TRPC4AP: variants seen among roughly 807,000 people sequenced by gnomAD.
TRPC4AP encodes short transient receptor potential channel 4-associated protein.
A neutral mutation model predicts 99.0 loss-of-function variants in TRPC4AP; 45 were observed. That is an observed-to-expected ratio of 0.45 (90% CI 0.36 to 0.58). The LOEUF (loss-of-function observed/expected upper bound fraction) is 0.58, where lower values mean the gene tolerates loss of function less well. Ranked by LOEUF, TRPC4AP falls within the 20% of genes least tolerant of loss-of-function variation. The pLI, the probability that TRPC4AP is intolerant of heterozygous loss-of-function variation, is 0.00. For synonymous variants in TRPC4AP, 408 were observed against 385.8 expected (o/e 1.06, Z -0.67); for missense variants, 879 against 985.3 (o/e 0.89, Z 1.44).
At chr20:35,037,474 T>C (rs188178322) in intron 7 of TRPC4AP, among the ~76,000 whole-genome samples, 32 of 151,944 alleles carry the variant, frequency 2.1e-4, no homozygotes, top group Non-Finnish European at 3.7e-4. Flanking sequence ...CACATGTTCA[T>C]AGCAGCACTA....
chr20:35,005,319 C>T (rs914204214), intron 16 of TRPC4AP, among the ~76,000 whole-genome samples: 2 of 152,152 alleles, frequency 1.3e-5, no homozygotes, highest in Admixed American at 6.5e-5. Flanking sequence ...GAAACGCGTG[C>T]GCATACACAT....
At chr20:35,015,742 G>C (rs2082739582) in intron 10 of TRPC4AP, among the ~76,000 whole-genome samples, 1 of 152,114 alleles carries the variant, frequency 6.6e-6, no homozygotes, top group Non-Finnish European at 1.5e-5. Context: ...TGCCCGCTCG[G>C]CCTCCCAAAG....
At chr20:35,036,558 C>A (rs563651085) in intron 7 of TRPC4AP, among the ~76,000 whole-genome samples, 222 of 152,264 alleles carry the variant, frequency 1.5e-3, no homozygotes, top group Middle Eastern at 6.8e-3. Flanking sequence ...TGTAGAAACA[C>A]TGAAATATAT....
chr20:35,090,063 C>T (rs1003917093), intron 1 of TRPC4AP, among the ~76,000 whole-genome samples: 1 of 148,428 alleles, frequency 6.7e-6, no homozygotes. Context: ...GAGCTTGCCA[C>T]TGCACTCCAG....
intron 4 of TRPC4AP, among the ~76,000 whole-genome samples, chr20:35,055,269 A>G (rs949666245): frequency 2.6e-5 from 4 of 152,178 alleles, no homozygotes; most frequent in Non-Finnish European, 5.9e-5. Flanking sequence ...ATTATGCTCC[A>G]CAGTCTTCAT....
chr20:35,050,302 C>G (rs1010764496), intron 5 of TRPC4AP, among the ~76,000 whole-genome samples: 2 of 152,166 alleles, frequency 1.3e-5, no homozygotes, highest in African/African-American at 4.8e-5. Flanking sequence ...TGAAATCAAA[C>G]AGTGCCGAAG....
At chr20:35,005,316 G>A (rs184413200) in intron 16 of TRPC4AP, among the ~76,000 whole-genome samples, 167 of 152,334 alleles carry the variant, frequency 1.1e-3, no homozygotes, top group African/African-American at 3.8e-3. Flanking sequence ...AAGGAAACGC[G>A]TGCGCATACA....
Position 35,005,731 on chromosome 20 carries a change from A to G in TRPC4AP, c.1900T>C (p.Ser634Pro), listed in dbSNP as rs772888958. The G allele has an allele frequency of 6.2e-7, 1 of 1,614,158 alleles. No homozygotes were observed. Among genetic ancestry groups the G allele is most frequent in the Non-Finnish European group, 8.5e-7 (1 of 1,179,988 alleles). ...SNMLVRCVTLSLDRFENQVDM... is the reference protein window; with the variant it reads ...SNMLVRCVTLPLDRFENQVDM... ...ACCTGGTTTTCAAATCGGTCCAGGG[A>G]CAGAGTGACACAGCGCACCAGCATG... is the stretch of plus-strand genomic sequence containing the variant. The change falls in exon 16 of 19, where the codon TCC becomes CCC. Residue 634 changes from serine (S) to proline (P), a missense_variant. Coordinates refer to ENST00000252015, the MANE Select transcript of TRPC4AP (RefSeq NM_015638.3).
chr20:35,015,533 G>C (rs2082734715), intron 10 of TRPC4AP, among the ~76,000 whole-genome samples: 2 of 146,944 alleles, frequency 1.4e-5, no homozygotes, highest in Non-Finnish European at 3.0e-5. Context: ...CGTGATCTCA[G>C]CTCACTGCAA....
chr20:35,091,368 C>T (rs1034926383), intron 1 of TRPC4AP, among the ~76,000 whole-genome samples: 1 of 152,162 alleles, frequency 6.6e-6, no homozygotes, highest in African/African-American at 2.4e-5. Flanking sequence ...CTGCTCCTTT[C>T]GTCCACAGTC....
chr20:35,024,039 T>TCC (rs1447417753), intron 8 of TRPC4AP, among the ~76,000 whole-genome samples: 1 of 151,892 alleles, frequency 6.6e-6, no homozygotes, highest in Admixed American at 6.6e-5. Context: ...AGGCCTGTGC[T>TCC]CCCCTGAGTC....
chr20:35,064,608 C>T (rs2084093583), intron 3 of TRPC4AP, among the ~76,000 whole-genome samples: 1 of 152,236 alleles, frequency 6.6e-6, no homozygotes. Context: ...TTCTGCACAT[C>T]TGTATTTATT....
chr20:35,067,391 C>T (rs1320114412), intron 3 of TRPC4AP, among the ~76,000 whole-genome samples: 2 of 152,274 alleles, frequency 1.3e-5, no homozygotes, highest in East Asian at 3.9e-4. Context: ...TACAGAAAAA[C>T]TGAAACCCTT....
chr20:35,091,472 C>A (rs1355550862), intron 1 of TRPC4AP, among the ~76,000 whole-genome samples: 3 of 152,150 alleles, frequency 2.0e-5, no homozygotes, highest in Admixed American at 2.0e-4. Context: ...TAAAGTTACA[C>A]TGTGAAAAGT....
chr20:35,060,787 C>T (rs879418036), intron 3 of TRPC4AP, among the ~76,000 whole-genome samples: 5 of 151,470 alleles, frequency 3.3e-5, no homozygotes, highest in Admixed American at 2.0e-4. Flanking sequence ...GAAAAAAAAA[C>T]CCAAAACACT....
chr20:35,083,772 G>A (rs930978333), intron 1 of TRPC4AP, among the ~76,000 whole-genome samples: 5 of 151,248 alleles, frequency 3.3e-5, no homozygotes, highest in African/African-American at 1.2e-4. Context: ...ACCAGAGAGT[G>A]TGCCCCAGGA....
At position 35,003,052 on chromosome 20, in the gene TRPC4AP, G is replaced by A. The variant is rs1032510033; in HGVS notation, c.*94C>T. 1.3e-6 allele frequency: 2 copies of A among 1,534,952 alleles called. No individual in the cohort carries two copies. The highest frequency in any genetic ancestry group is 2.3e-4 in the Middle Eastern group (1 of 4,412). On this transcript the variant is annotated 3_prime_UTR_variant, in exon 19 of 19. Transcript: ENST00000252015. ...CCCAAAGACCTGGGGCAGGCAGAGA[G>A]CAGCAGGGAGGAACGGGAACAGGGC...
At chr20:35,030,906 C>T (rs1407805350) in intron 8 of TRPC4AP, among the ~76,000 whole-genome samples, 11 of 152,190 alleles carry the variant, frequency 7.2e-5, no homozygotes, top group Non-Finnish European at 4.4e-5. Flanking sequence ...TCTGAAGTCA[C>T]CTGCTTTCAA....
chr20:35,021,042 A>T, intron 9 of TRPC4AP, 148 bp downstream of exon 9: 1 of 836,564 alleles, frequency 1.2e-6, no homozygotes, highest in Non-Finnish European at 1.8e-6. Context: ...GTTTCCTTAT[A>T]GGTAGAACAG....
Sources: gnomAD v4.1 joint callset for allele counts (sites outside exome capture counted in the v4.1 genomes callset) on GRCh38, gnomAD v4.1.1 for gene constraint, MANE v1.5 for transcripts, NCBI Gene and HGNC (gene_info 2026-07-23, HGNC 2026-07-21) for gene names.